The following ACYP2 variants were observed in gnomAD, a reference collection of about 807,000 sequenced individuals.
The protein encoded by ACYP2 is acylphosphatase 2.
ACYP2 carries 12 observed loss-of-function variants against 11.2 expected under a neutral mutation model. That is an observed-to-expected ratio of 1.08 (90% CI 0.69 to 1.74). The LOEUF (loss-of-function observed/expected upper bound fraction) is 1.74. ACYP2 is among the 40% of genes most tolerant of loss of function. The pLI, the probability that ACYP2 is intolerant of heterozygous loss-of-function variation, is 0.00. For synonymous variants in ACYP2, 43 were observed against 32.2 expected (o/e 1.33, Z -1.13); for missense variants, 134 against 101.9 (o/e 1.31, Z -1.35).
At chr2:53,976,147 A>G (rs979765165) in intron 2 of ACYP2, among the ~76,000 whole-genome samples, 3 of 152,226 alleles carry the variant, frequency 2.0e-5, no homozygotes, top group Non-Finnish European at 1.5e-5. Context: ...TTCTCTGTAT[A>G]TATGATATAC....
At chr2:54,123,327 T>C (rs1006036273) in intron 4 of ACYP2, 1 of 398,604 alleles carries the variant, frequency 2.5e-6, no homozygotes. Context: ...TGCAGTTGTT[T>C]TGGTATGGAG....
intron 6 of ACYP2, among the ~76,000 whole-genome samples, chr2:54,156,175 C>T (rs1311432654): frequency 6.6e-6 from 1 of 152,038 alleles, no homozygotes; most frequent in South Asian, 2.1e-4. Flanking sequence ...AAGTGTAGCT[C>T]AAGTTCAATA....
At chr2:54,046,343 A>T (rs1169853029) in intron 2 of ACYP2, among the ~76,000 whole-genome samples, 1 of 151,706 alleles carries the variant, frequency 6.6e-6, no homozygotes, top group African/African-American at 2.4e-5. Flanking sequence ...GCTGGGTGTG[A>T]TGGAACACAC....
At chr2:54,277,088 C>T (rs1688630380) in intron 6 of ACYP2, among the ~76,000 whole-genome samples, 2 of 152,062 alleles carry the variant, frequency 1.3e-5, no homozygotes, top group African/African-American at 4.8e-5. Context: ...GCTGTAATGA[C>T]CATTCTTGAG....
intron 6 of ACYP2, among the ~76,000 whole-genome samples, chr2:54,165,320 C>A (rs1428820941): frequency 6.6e-6 from 1 of 152,148 alleles, no homozygotes; most frequent in Non-Finnish European, 1.5e-5. Context: ...TTATTTCCTG[C>A]AATCATGAAT....
chr2:54,195,652 CAA>C (rs61621087), intron 6 of ACYP2, among the ~76,000 whole-genome samples: 71 of 111,138 alleles, frequency 6.4e-4, no homozygotes, highest in Non-Finnish European at 7.5e-4. Context: ...AAAAAAAAAA[CAA>C]AACACTGTAC....
At chr2:54,031,792 T>G (rs987981262) in intron 2 of ACYP2, among the ~76,000 whole-genome samples, 6 of 152,270 alleles carry the variant, frequency 3.9e-5, no homozygotes, top group African/African-American at 1.4e-4. Flanking sequence ...CACCTGTTAT[T>G]TCCTGACTTT....
At chr2:54,291,468 A>G (rs1689301117) in intron 6 of ACYP2, among the ~76,000 whole-genome samples, 1 of 152,356 alleles carries the variant, frequency 6.6e-6, no homozygotes, top group South Asian at 2.1e-4. Context: ...TAGACGTGGT[A>G]TATTGGCTTG....
chr2:54,269,093 T>A (rs1294772144), intron 6 of ACYP2, among the ~76,000 whole-genome samples: 3 of 152,202 alleles, frequency 2.0e-5, no homozygotes, highest in Non-Finnish European at 4.4e-5. Context: ...TGCCCATTAT[T>A]CAAATTATTA....
intron 4 of ACYP2, among the ~76,000 whole-genome samples, chr2:54,109,793 TTAA>T (rs1187646626): frequency 6.6e-5 from 10 of 152,164 alleles, no homozygotes; most frequent in Admixed American, 5.9e-4. Context: ...TACCCTATTA[TTAA>T]TATCTTAATA....
chr2:54,159,705 G>C (rs994720973), intron 6 of ACYP2, among the ~76,000 whole-genome samples: 1 of 152,124 alleles, frequency 6.6e-6, no homozygotes, highest in African/African-American at 2.4e-5. Flanking sequence ...CAGGGGTAGA[G>C]TTTGGGAATG....
rs115263433 is a variant in ACYP2, at chr2:54,180,828, T to C, written c.404+42080T>C. 6.6e-4 allele frequency among the ~76,000 whole-genome samples: 101 copies of C among 152,282 alleles called. 1 individual carries two copies. The highest frequency in any genetic ancestry group is 2.4e-3 in the African/African-American group (100 of 41,572). On this transcript the variant is annotated intron_variant, in intron 6 of 6. Transcript: ENST00000607452. Reference sequence around the variant, plus strand: ...CCTCAGCCTCCGAAAATTCTGAGATTTCAGGCGTGAACCACTGCGCCCAGC... The same window carrying C: ...CCTCAGCCTCCGAAAATTCTGAGATCTCAGGCGTGAACCACTGCGCCCAGC...
chr2:54,255,030 C>T, intron 6 of ACYP2: 1 of 1,614,132 alleles, frequency 6.2e-7, no homozygotes, highest in Non-Finnish European at 8.5e-7. Context: ...GTGGATTTGA[C>T]CAGAGGTCCT....
intron 2 of ACYP2, among the ~76,000 whole-genome samples, chr2:54,017,383 T>A (rs913034146): frequency 6.6e-6 from 1 of 151,092 alleles, no homozygotes; most frequent in Non-Finnish European, 1.5e-5. Flanking sequence ...GCCTCCCAGG[T>A]AGGTGGGATT....
At chr2:54,120,921 C>T (rs113636999) in intron 4 of ACYP2, among the ~76,000 whole-genome samples, 19 of 152,292 alleles carry the variant, frequency 1.2e-4, no homozygotes, top group African/African-American at 4.3e-4. Context: ...GTTACACTGT[C>T]GTTCATTTCT....
intron 6 of ACYP2, among the ~76,000 whole-genome samples, chr2:54,164,100 A>C (rs1173408598): frequency 6.6e-6 from 1 of 152,202 alleles, no homozygotes; most frequent in African/African-American, 2.4e-5. Flanking sequence ...AATGGCTGGT[A>C]AGGCTGAAAG....
intron 6 of ACYP2, among the ~76,000 whole-genome samples, chr2:54,296,493 A>C (rs896535199): frequency 6.6e-6 from 1 of 152,176 alleles, no homozygotes; most frequent in Admixed American, 6.5e-5. Flanking sequence ...TGTTTTATTT[A>C]TTTCTTAACG....
At chr2:53,979,642 A>T (rs2357728) in intron 2 of ACYP2, among the ~76,000 whole-genome samples, 38,908 of 151,454 alleles carry the variant, frequency 0.26, 5,639 homozygotes, top group South Asian at 0.46. Context: ...AAAAAAAAAA[A>T]TTAAAAAAAA....
chr2:54,120,530 G>GT (rs1553374976), intron 4 of ACYP2, among the ~76,000 whole-genome samples: 1 of 152,046 alleles, frequency 6.6e-6, no homozygotes, highest in African/African-American at 2.4e-5. Flanking sequence ...TTTTGACTGA[G>GT]TTTTTTTAGA....
Sources: allele counts gnomAD v4.1 joint callset (sites outside exome capture counted in the v4.1 genomes callset), GRCh38; gene constraint gnomAD v4.1.1; transcripts MANE v1.5; gene names NCBI Gene and HGNC (gene_info 2026-07-23, HGNC 2026-07-21).